RANBP10: variants seen among roughly 807,000 people sequenced by gnomAD.
RANBP10 encodes the protein ran-binding protein 10.
In RANBP10, 24 loss-of-function variants were observed where a neutral mutation model predicts 72.8. The observed-to-expected ratio is 0.33, with a 90% CI of 0.24 to 0.46. The LOEUF is 0.46. Ranked by LOEUF, RANBP10 falls within the 20% of genes least tolerant of loss-of-function variation. The pLI is 1.00. For synonymous variants in RANBP10, 310 were observed against 322.3 expected, an observed-to-expected ratio of 0.96 and a Z score of 0.41; for missense variants, 679 against 817.5, an observed-to-expected ratio of 0.83 and a Z score of 2.07.
chr16:67,734,717 G>T, intron 6 of RANBP10, 141 bp downstream of exon 6: 2 of 848,366 alleles, frequency 2.4e-6, no homozygotes, highest in Non-Finnish European at 3.3e-6. Context: ...GAGAGCTGCA[G>T]GCTGAATGGC....
At chr16:67,792,378 C>T (rs966439833) in intron 2 of RANBP10, among the ~76,000 whole-genome samples, 1 of 151,842 alleles carries the variant, frequency 6.6e-6, no homozygotes, top group African/African-American at 2.4e-5. Context: ...CACGGTGAAA[C>T]CCCATCTCTA....
intron 2 of RANBP10, among the ~76,000 whole-genome samples, chr16:67,787,835 T>C (rs552652307): frequency 2.3e-4 from 35 of 151,960 alleles, no homozygotes; most frequent in Admixed American, 1.3e-4. Flanking sequence ...ATTCTGTCTC[T>C]AGAAAAAAAA....
In RANBP10 at chr16:67,738,019, G is replaced by A; in HGVS notation, c.585C>T (p.Asp195=). 2 of 1,590,584 alleles carry A rather than the reference G, an allele frequency of 1.3e-6. No homozygotes were observed. Among genetic ancestry groups the A allele is most frequent in the African/African-American group, 1.3e-5 (1 of 74,588 alleles). ...ACTCAATAGTAGTACTCACCGGGAG[G>A]TCTGTGAAGGCTATACCTGTGGGGG... ...NGHSLGIAFT[D]LPANLYPTVG... The change falls in exon 5 of 14, where the codon GAC becomes GAT. Residue 195 remains aspartate, a synonymous_variant. Transcript: ENST00000317506.
In RANBP10 at chr16:67,730,723, G is replaced by T. The variant is rs114376569; in HGVS notation, c.890-677C>A. 0.071 allele frequency among the ~76,000 whole-genome samples: 10,767 copies of T among 152,200 alleles called. 555 individuals are homozygous for T. Among genetic ancestry groups the T allele is most frequent in the Middle Eastern group, 0.19 (56 of 292 alleles). On this transcript the variant is annotated intron_variant, in intron 7 of 13. Coordinates refer to ENST00000317506, the MANE Select transcript of RANBP10 (RefSeq NM_020850.3). This position sits in a 1 kb window ranked among gnomAD's most constrained non-coding sequence, Gnocchi z 4.3. ...TCTGGGATCCCTTTCCGTCTGTCTG[G>T]CTGAGCACAGCTTCTCTGGGAGACA... is the stretch of plus-strand genomic sequence containing the variant.
chr16:67,743,965 G>A (rs550046371), intron 4 of RANBP10, among the ~76,000 whole-genome samples: 133 of 152,174 alleles, frequency 8.7e-4, no homozygotes, highest in African/African-American at 2.8e-3. Context: ...CCACCACCAC[G>A]CAACCTATGC....
chr16:67,761,371 C>T (rs1040740237), intron 3 of RANBP10, among the ~76,000 whole-genome samples: 1 of 152,154 alleles, frequency 6.6e-6, no homozygotes, highest in Non-Finnish European at 1.5e-5. Flanking sequence ...GATGTCCTTG[C>T]TGAGCCAGTG....
At chr16:67,749,878 C>T (rs1398751771) in intron 3 of RANBP10, among the ~76,000 whole-genome samples, 1 of 152,154 alleles carries the variant, frequency 6.6e-6, no homozygotes, top group Non-Finnish European at 1.5e-5. Flanking sequence ...CCAGGTCTAG[C>T]TCAGACTGTG....
Position 67,781,998 on chromosome 16 carries a change from G to A in RANBP10, c.348-9912C>T, listed in dbSNP as rs1053028564. The stretch of plus-strand genomic sequence containing the variant: ...GGGGGTCCACCCAGCCCTGCCACCC[G>A]AGCTCAAGTCTGCTGAAACCCTGCA... On this transcript the variant is annotated intron_variant, in intron 2 of 13. Coordinates refer to ENST00000317506, the MANE Select transcript of RANBP10 (RefSeq NM_020850.3). 6.6e-5 allele frequency among the ~76,000 whole-genome samples: 10 copies of A among 152,128 alleles called. No homozygotes were observed. In the South Asian group the frequency reaches 1.5e-3, roughly 22 times the overall value.
rs375154077 is a variant in RANBP10, at chr16:67,806,454, G to T, written c.83C>A (p.Pro28Gln). 1.9e-6 allele frequency: 3 copies of T among 1,570,884 alleles called. No homozygotes were observed. The highest frequency in any genetic ancestry group is 2.7e-5 in the African/African-American group (2 of 73,740). Residue 28 changes from proline to glutamine, a missense_variant, in exon 1 of 14, where the codon CCG (proline) becomes CAG (glutamine). By Grantham distance (76) the Pro-to-Gln change is moderately conservative. Coordinates refer to ENST00000317506, the MANE Select transcript of RANBP10 (RefSeq NM_020850.3). ...SSGGGAGGGLPSPGEQELSRR... is the reference protein window; with the variant it reads ...SSGGGAGGGLQSPGEQELSRR... ...GCTCAGCTCCTGCTCCCCAGGGGACGGCAGCCCGCCCCCAGCGCCCCCGCC... is the reference window on the plus strand; with the variant it reads ...GCTCAGCTCCTGCTCCCCAGGGGACTGCAGCCCGCCCCCAGCGCCCCCGCC...
intron 1 of RANBP10, 66 bp from the exon 2 acceptor site, chr16:67,805,605 C>G: frequency 7.6e-7 from 1 of 1,319,794 alleles, no homozygotes; most frequent in Non-Finnish European, 1.1e-6. Context: ...TCATTTTTCT[C>G]TGCAACTCCT....
In RANBP10 at chr16:67,805,443, C is replaced by G. The variant is rs970295684; in HGVS notation, c.332G>C (p.Ser111Thr). Residue 111 changes from serine (S) to threonine (T), a missense_variant, in exon 2 of 14, where the codon AGC (serine) becomes ACC (threonine). By Grantham distance (58) the Ser-to-Thr change is moderately conservative. Transcript: ENST00000317506. ...AAGGGCTTACCCATCTCTTCCTTTG[C>G]TGACAATCTTCACTTCAAAGTAATA... is the stretch of plus-strand genomic sequence containing the variant. ...GIYYFEVKIV[S>T]KGRDGYMGIG... 5 of 1,614,002 alleles carry G rather than the reference C, an allele frequency of 3.1e-6. No individual in the cohort carries two copies. Among genetic ancestry groups the G allele is most frequent in the Non-Finnish European group, 4.2e-6 (5 of 1,179,928 alleles).
At chr16:67,754,274 T>G (rs912975983) in intron 3 of RANBP10, among the ~76,000 whole-genome samples, 3 of 152,192 alleles carry the variant, frequency 2.0e-5, no homozygotes, top group Admixed American at 2.0e-4. Flanking sequence ...GTCCAGGGAC[T>G]TCGTGGCTCC....
At position 67,781,911 on chromosome 16, in the gene RANBP10, C is replaced by G. The variant is rs563141719; in HGVS notation, c.348-9825G>C. 9.2e-5 allele frequency among the ~76,000 whole-genome samples: 14 copies of G among 152,256 alleles called. 1 individual carries two copies. In the South Asian group the frequency reaches 2.7e-3, roughly 29 times the overall value. On this transcript the variant is annotated intron_variant, in intron 2 of 13. Transcript: ENST00000317506. ...CCCACAGGTGTCCACACTCACAAAT[C>G]CACCCAGAAGCTCCCACTATCCACT...
At chr16:67,762,242 G>A (rs1216543775) in intron 3 of RANBP10, among the ~76,000 whole-genome samples, 8 of 152,124 alleles carry the variant, frequency 5.3e-5, no homozygotes. Context: ...CTCCAGCCTG[G>A]GCAACAGAGT....
chr16:67,770,335 A>G (rs999961130), intron 3 of RANBP10, among the ~76,000 whole-genome samples: 1 of 152,014 alleles, frequency 6.6e-6, no homozygotes, highest in African/African-American at 2.4e-5. Context: ...ACAATGAAAA[A>G]CCAGTTTTCA....
rs148871357 is a variant in RANBP10 at position 67,797,043 on chromosome 16, T to C, written c.347+8385A>G. On this transcript the variant is annotated intron_variant, in intron 2 of 13. Coordinates refer to ENST00000317506, the MANE Select transcript of RANBP10 (RefSeq NM_020850.3). ...TCTGGAGCCCTTTATTCCTTCCCAA[T>C]GGTCCCATAATAGGAATGGCACACA... is the stretch of plus-strand genomic sequence containing the variant. 1.1e-3 allele frequency among the ~76,000 whole-genome samples: 172 copies of C among 152,258 alleles called. 1 individual carries two copies. The highest frequency in any genetic ancestry group is 4.0e-3 in the African/African-American group (168 of 41,564).
Position 67,726,421 on chromosome 16 carries a change from C to G in RANBP10, c.*7G>C, listed in dbSNP as rs369215072. The G allele has an allele frequency of 1.2e-6, 2 of 1,612,368 alleles. No individual in the cohort carries two copies. Among genetic ancestry groups the G allele is most frequent in the African/African-American group, 1.3e-5 (1 of 74,912 alleles). On this transcript the variant is annotated 3_prime_UTR_variant, in exon 14 of 14. Transcript: ENST00000317506. ...GAGGGCCAGCCAGAGCCAGCCAGCA[C>G]AGTCAGCTAGTGCAAGTAGTCATCA...
At chr16:67,764,829 T>C (rs527865006) in intron 3 of RANBP10, among the ~76,000 whole-genome samples, 2 of 152,340 alleles carry the variant, frequency 1.3e-5, no homozygotes, top group South Asian at 2.1e-4. Context: ...GAAATGCCAG[T>C]AGAACATTTT....
intron 3 of RANBP10, among the ~76,000 whole-genome samples, chr16:67,771,409 A>C: frequency 6.6e-6 from 1 of 151,796 alleles, no homozygotes; most frequent in East Asian, 1.9e-4. Flanking sequence ...GCAGTGGCGC[A>C]ATCTCAGCTC....
Sources: allele counts gnomAD v4.1 joint callset (sites outside exome capture counted in the v4.1 genomes callset), GRCh38; gene constraint gnomAD v4.1.1; non-coding constraint Gnocchi (gnomAD v3.1); transcripts MANE v1.5; gene names NCBI Gene and HGNC (gene_info 2026-07-23, HGNC 2026-07-21).